The following ADGRB3 variants were observed in gnomAD, a reference collection of about 807,000 sequenced individuals.
ADGRB3 encodes brain-specific angiogenesis inhibitor 3.
Under a neutral mutation model 193.4 loss-of-function variants are expected in ADGRB3, and 37 were observed. The observed-to-expected ratio is 0.19, with a 90% CI of 0.15 to 0.25. The LOEUF is 0.25. Among genes scored for constraint, ADGRB3 ranks in the 10% least tolerant of loss-of-function variants. The pLI, the probability that ADGRB3 is intolerant of heterozygous loss-of-function variation, is 1.00. For synonymous variants in ADGRB3, 690 were observed against 644.2 expected, an observed-to-expected ratio of 1.07 and a Z score of -1.08; for missense variants, 1,637 against 1,852.9, an observed-to-expected ratio of 0.88 and a Z score of 2.14.
intron 26 of ADGRB3, among the ~76,000 whole-genome samples, chr6:69,343,626 T>C (rs1394888233): frequency 6.6e-6 from 1 of 152,110 alleles, no homozygotes; most frequent in Non-Finnish European, 1.5e-5. Context: ...ATTTAAACTT[T>C]ATAAAATTTA....
chr6:69,260,648 G>A (rs1766903488), intron 20 of ADGRB3, among the ~76,000 whole-genome samples: 1 of 152,108 alleles, frequency 6.6e-6, no homozygotes, highest in Admixed American at 6.6e-5. Flanking sequence ...TATGAAAAGA[G>A]TTGGACTCTG....
intron 16 of ADGRB3, among the ~76,000 whole-genome samples, chr6:69,065,755 GTA>G (rs58674430): frequency 0.084 from 11,703 of 138,706 alleles, 584 homozygotes; most frequent in African/African-American, 0.15. Flanking sequence ...TGAACTTCAT[GTA>G]TATATATACA....
intron 20 of ADGRB3, among the ~76,000 whole-genome samples, chr6:69,307,973 C>CT (rs1468614209): frequency 6.6e-6 from 1 of 151,384 alleles, no homozygotes; most frequent in African/African-American, 2.4e-5. Context: ...AACATGAAGC[C>CT]TAGGAATCTA....
At chr6:69,204,098 A>C (rs1265845085) in intron 17 of ADGRB3, among the ~76,000 whole-genome samples, 1 of 152,144 alleles carries the variant, frequency 6.6e-6, no homozygotes, top group Non-Finnish European at 1.5e-5. Context: ...TGATGCACTA[A>C]GAATAAGCAC....
chr6:69,103,876 G>A (rs1015308828), intron 17 of ADGRB3, among the ~76,000 whole-genome samples: 2 of 151,644 alleles, frequency 1.3e-5, no homozygotes, highest in Non-Finnish European at 2.9e-5. Flanking sequence ...AAACTTGTAG[G>A]CAAGCTAATT....
intron 3 of ADGRB3, among the ~76,000 whole-genome samples, chr6:68,913,386 C>T (rs187127036): frequency 5.5e-4 from 84 of 152,254 alleles, no homozygotes; most frequent in African/African-American, 1.5e-3. Flanking sequence ...TCGTGGTTCA[C>T]GAAAATCCGC....
At chr6:69,371,384 A>G (rs992574278) in intron 29 of ADGRB3, among the ~76,000 whole-genome samples, 1 of 152,066 alleles carries the variant, frequency 6.6e-6, no homozygotes, top group Non-Finnish European at 1.5e-5. Flanking sequence ...TCTGCTACCT[A>G]TCTTGGGTAT....
chr6:69,269,429 C>T (rs894724781), intron 20 of ADGRB3, among the ~76,000 whole-genome samples: 5 of 152,048 alleles, frequency 3.3e-5, no homozygotes, highest in Non-Finnish European at 4.4e-5. Flanking sequence ...TTGAGCTAAG[C>T]TTGTATGTTT....
intron 3 of ADGRB3, among the ~76,000 whole-genome samples, chr6:68,725,201 G>A (rs895396896): frequency 6.6e-6 from 1 of 151,650 alleles, no homozygotes; most frequent in Non-Finnish European, 1.5e-5. Flanking sequence ...GAGGAACAAT[G>A]GGAGCCAGAT....
intron 20 of ADGRB3, among the ~76,000 whole-genome samples, chr6:69,260,715 G>T (rs547179933): frequency 6.6e-6 from 1 of 152,230 alleles, no homozygotes; most frequent in African/African-American, 2.4e-5. Flanking sequence ...ACGATTCCAG[G>T]ATTCTTACTT....
chr6:69,284,156 A>G (rs1767500749), intron 20 of ADGRB3, among the ~76,000 whole-genome samples: 1 of 152,194 alleles, frequency 6.6e-6, no homozygotes, highest in Admixed American at 6.5e-5. Context: ...AGAATGGATC[A>G]TCTATCACCC....
chr6:68,684,450 A>G (rs1160639886), intron 3 of ADGRB3, among the ~76,000 whole-genome samples: 1 of 152,202 alleles, frequency 6.6e-6, no homozygotes, highest in Non-Finnish European at 1.5e-5. Context: ...AAGTTACAAA[A>G]GATGTATTTT....
At chr6:68,772,839 G>C (rs1766644802) in intron 3 of ADGRB3, among the ~76,000 whole-genome samples, 1 of 120,318 alleles carries the variant, frequency 8.3e-6, no homozygotes, top group South Asian at 2.8e-4. Flanking sequence ...GCAACATGGT[G>C]AAAACCTATT....
At chr6:68,786,960 G>T (rs1375636059) in intron 3 of ADGRB3, among the ~76,000 whole-genome samples, 1 of 152,052 alleles carries the variant, frequency 6.6e-6, no homozygotes, top group Non-Finnish European at 1.5e-5. Context: ...CTGTTTGTCT[G>T]TTATTGATGT....
At chr6:69,369,172 A>G (rs751255420) in intron 29 of ADGRB3, among the ~76,000 whole-genome samples, 5 of 152,172 alleles carry the variant, frequency 3.3e-5, no homozygotes, top group Non-Finnish European at 7.3e-5. Flanking sequence ...AATTTAAAAC[A>G]TACATAACAA....
Position 68,730,440 on chromosome 6 carries a change from C to T in ADGRB3, c.757+91008C>T, listed in dbSNP as rs189109110. 2.8e-4 allele frequency among the ~76,000 whole-genome samples: 43 copies of T among 151,590 alleles called. No individual in the cohort carries two copies. The East Asian group carries it at 8.0e-3, about 28-fold the overall frequency. ...TTTAAGATGGAATTATGACACAAATCCAGGAAACATCTAATAAAGTTGATG... is the reference window on the plus strand; with the variant it reads ...TTTAAGATGGAATTATGACACAAATTCAGGAAACATCTAATAAAGTTGATG... On this transcript the variant is annotated intron_variant, in intron 3 of 31. Coordinates refer to ENST00000370598, the MANE Select transcript of ADGRB3 (RefSeq NM_001704.3).
At chr6:69,134,606 G>A (rs766765490) in intron 17 of ADGRB3, among the ~76,000 whole-genome samples, 13 of 151,866 alleles carry the variant, frequency 8.6e-5, no homozygotes, top group Non-Finnish European at 1.5e-4. Flanking sequence ...TTGAAAGGAT[G>A]GTTTCTGCCT....
chr6:69,004,476 C>T (rs981430642), intron 11 of ADGRB3, among the ~76,000 whole-genome samples: 2 of 151,590 alleles, frequency 1.3e-5, no homozygotes, highest in Non-Finnish European at 2.9e-5. Context: ...AGGTTTGTTA[C>T]GTATGTATAC....
At position 68,936,590 on chromosome 6, in the gene ADGRB3, C is replaced by G. The variant is rs752634970; in HGVS notation, c.940C>G (p.Arg314Gly). Residue 314 changes from arginine to glycine, a missense_variant, in exon 5 of 32, where the codon CGA becomes GGA. Arg to Gly is a moderately radical substitution (Grantham distance 125, BLOSUM62 -2). Coordinates refer to ENST00000370598, the MANE Select transcript of ADGRB3 (RefSeq NM_001704.3). ...SVTCGQGSQV[R>G]TRTCVSPYGT... ...TACTTGTGGTCAAGGGTCGCAGGTG[C>G]GAACCAGAACTTGTGTATCACCTTA... is the stretch of plus-strand genomic sequence containing the variant. The G allele has an allele frequency of 6.2e-7, 1 of 1,613,974 alleles. No individual in the cohort carries two copies.
Sources: gnomAD v4.1 joint callset for allele counts (sites outside exome capture counted in the v4.1 genomes callset) on GRCh38, gnomAD v4.1.1 for gene constraint, MANE v1.5 for transcripts, NCBI Gene and HGNC (gene_info 2026-07-23, HGNC 2026-07-21) for gene names.